Variants in KCNMB4 observed in about 807,000 individuals in gnomAD.
The protein encoded by KCNMB4 is potassium calcium-activated channel subfamily M regulatory beta subunit 4.
KCNMB4 carries 3 observed loss-of-function variants against 20.7 expected under a neutral mutation model. The ratio of observed to expected loss-of-function variants is 0.14; its 90% CI spans 0.07 to 0.37. The LOEUF is 0.37. Among genes scored for constraint, KCNMB4 ranks in the 10% least tolerant of loss-of-function variants. KCNMB4 has a pLI of 1.00. For synonymous variants in KCNMB4, 110 were observed against 113.4 expected, an observed-to-expected ratio of 0.97 and a Z score of 0.19; for missense variants, 168 against 265.9, an observed-to-expected ratio of 0.63 and a Z score of 2.56.
At chr12:70,384,963 A>G (rs556065300) in intron 1 of KCNMB4, among the ~76,000 whole-genome samples, 15 of 152,086 alleles carry the variant, frequency 9.9e-5, no homozygotes, top group African/African-American at 3.6e-4. Flanking sequence ...GTGAACATCT[A>G]TAGGTCAGTC....
intron 2 of KCNMB4, among the ~76,000 whole-genome samples, chr12:70,428,012 A>G (rs1340434555): frequency 6.6e-6 from 1 of 152,162 alleles, no homozygotes; most frequent in African/African-American, 2.4e-5. Flanking sequence ...TTTTTTTAAC[A>G]TCAAAACCAT....
At chr12:70,382,678 T>G (rs568135082) in intron 1 of KCNMB4, among the ~76,000 whole-genome samples, 35 of 152,268 alleles carry the variant, frequency 2.3e-4, no homozygotes, top group Middle Eastern at 3.4e-3. Flanking sequence ...TTTGGACAAA[T>G]GTTTGCAACA....
chr12:70,411,332 A>G (rs1308638097), intron 2 of KCNMB4, among the ~76,000 whole-genome samples: 1 of 152,208 alleles, frequency 6.6e-6, no homozygotes, highest in Non-Finnish European at 1.5e-5. Context: ...GAGTTTCATA[A>G]TGATGACACT....
intron 1 of KCNMB4, among the ~76,000 whole-genome samples, chr12:70,394,275 G>A (rs1161368018): frequency 6.6e-6 from 1 of 152,002 alleles, no homozygotes; most frequent in African/African-American, 2.4e-5. Context: ...ACTTTGAGGA[G>A]GGTGGATCTT....
chr12:70,394,032 T>C (rs564350682), intron 1 of KCNMB4, among the ~76,000 whole-genome samples: 1 of 152,190 alleles, frequency 6.6e-6, no homozygotes, highest in Non-Finnish European at 1.5e-5. Flanking sequence ...TATTCATGTC[T>C]TCTTTTGTAG....
intron 2 of KCNMB4, among the ~76,000 whole-genome samples, chr12:70,423,756 T>A (rs1027584679): frequency 2.6e-5 from 4 of 152,162 alleles, no homozygotes; most frequent in South Asian, 2.1e-4. Flanking sequence ...ATTACAGGCA[T>A]GAACCACTGT....
intron 1 of KCNMB4, among the ~76,000 whole-genome samples, chr12:70,394,704 T>C (rs1161683124): frequency 6.6e-6 from 1 of 152,166 alleles, no homozygotes; most frequent in African/African-American, 2.4e-5. Flanking sequence ...TCTTGCTCTG[T>C]TTCCCAGGCT....
At chr12:70,415,809 C>T (rs1489242524) in intron 2 of KCNMB4, among the ~76,000 whole-genome samples, 1 of 152,104 alleles carries the variant, frequency 6.6e-6, no homozygotes, top group Non-Finnish European at 1.5e-5. Context: ...CATTTATGAG[C>T]ACCTAGAGCA....
intron 2 of KCNMB4, among the ~76,000 whole-genome samples, chr12:70,416,799 A>G (rs949485493): frequency 6.6e-6 from 1 of 152,192 alleles, no homozygotes; most frequent in Non-Finnish European, 1.5e-5. Context: ...TGAATGATTC[A>G]TTGCTAGCCT....
chr12:70,382,432 CAAAAAAAAAA>C (rs397796979), intron 1 of KCNMB4, among the ~76,000 whole-genome samples: 1 of 87,980 alleles, frequency 1.1e-5, no homozygotes, highest in Admixed American at 1.2e-4. Flanking sequence ...GACTCCGTCT[CAAAAAAAAAA>C]AAAAAAAAAA....
At chr12:70,397,751 A>G (rs150628998) in intron 1 of KCNMB4, among the ~76,000 whole-genome samples, 76 of 152,310 alleles carry the variant, frequency 5.0e-4, no homozygotes, top group Non-Finnish European at 7.5e-4. Flanking sequence ...AAGAATTCAA[A>G]CTGAGTTAAC....
chr12:70,384,779 C>T (rs907962830), intron 1 of KCNMB4, among the ~76,000 whole-genome samples: 4 of 145,194 alleles, frequency 2.8e-5, no homozygotes, highest in Non-Finnish European at 4.5e-5. Context: ...TCTAGCAAGA[C>T]GGTAGGATCG....
chr12:70,366,590 C>T lies in KCNMB4; in HGVS notation c.-145C>T. 2.5e-6 allele frequency: 1 copy of T among 393,258 alleles called. No individual in the cohort carries two copies. The highest frequency in any genetic ancestry group is 3.8e-6 in the Non-Finnish European group (1 of 261,968). The allele number at this position is 393,258 out of a possible 1,614,324, so 24.4% of individuals were successfully genotyped here. ...GCTGGCCTCGGCCCCTTTGTTCTCG[C>T]GCGCTCCCCCTCGCCGCCCACTCCC... On this transcript the variant is annotated 5_prime_UTR_variant, in exon 1 of 3. Transcript: ENST00000258111.
At chr12:70,398,937 C>T (rs1219739279) in intron 1 of KCNMB4, among the ~76,000 whole-genome samples, 1 of 151,920 alleles carries the variant, frequency 6.6e-6, no homozygotes, top group Non-Finnish European at 1.5e-5. Context: ...AAAGAAGGCT[C>T]CCTCAAGTAG....
intron 1 of KCNMB4, among the ~76,000 whole-genome samples, chr12:70,374,458 CAT>C (rs1883652034): frequency 6.6e-6 from 1 of 152,128 alleles, no homozygotes; most frequent in Non-Finnish European, 1.5e-5. Context: ...TTTAACATTG[CAT>C]ATGTTTCCAA....
intron 2 of KCNMB4, among the ~76,000 whole-genome samples, chr12:70,407,606 T>A (rs1211073077): frequency 6.6e-6 from 1 of 151,184 alleles, no homozygotes; most frequent in Non-Finnish European, 1.5e-5. Flanking sequence ...TAGCTGGGAC[T>A]ACAGGCGCCC....
intron 1 of KCNMB4, among the ~76,000 whole-genome samples, chr12:70,394,272 G>A (rs1399233205): frequency 6.6e-6 from 1 of 151,926 alleles, no homozygotes; most frequent in African/African-American, 2.4e-5. Context: ...CACACTTTGA[G>A]GAGGGTGGAT....
chr12:70,381,605 G>A (rs1261993130), intron 1 of KCNMB4, among the ~76,000 whole-genome samples: 3 of 152,144 alleles, frequency 2.0e-5, no homozygotes, highest in African/African-American at 7.2e-5. Context: ...GTAAGTATAG[G>A]AAGCCAGCCA....
At chr12:70,412,653 T>C (rs1270986876) in intron 2 of KCNMB4, among the ~76,000 whole-genome samples, 3 of 152,226 alleles carry the variant, frequency 2.0e-5, no homozygotes, top group Non-Finnish European at 4.4e-5. Flanking sequence ...TTTGGCTTTT[T>C]TATAGAGCAA....
Sources: gnomAD v4.1 joint callset for allele counts (sites outside exome capture counted in the v4.1 genomes callset) on GRCh38, gnomAD v4.1.1 for gene constraint, MANE v1.5 for transcripts, NCBI Gene and HGNC (gene_info 2026-07-23, HGNC 2026-07-21) for gene names.